The following ZNF385D variants were observed in gnomAD, a reference collection of about 807,000 sequenced individuals.
ZNF385D encodes zinc finger protein 659.
In ZNF385D, 15 loss-of-function variants were observed where a neutral mutation model predicts 35.8. That is an observed-to-expected ratio of 0.42 (90% confidence interval 0.28 to 0.64). ZNF385D has a LOEUF of 0.64. Ranked by LOEUF, ZNF385D falls within the 30% of genes least tolerant of loss-of-function variation. ZNF385D has a pLI of 0.23. For missense variants in ZNF385D, 474 were observed against 494.6 expected (o/e 0.96, Z 0.39); for synonymous variants, 212 against 186.8 (o/e 1.13, Z -1.10).
At chr3:21,881,029 T>G (rs769905331) in intron 3 of ZNF385D, among the ~76,000 whole-genome samples, 1 of 151,992 alleles carries the variant, frequency 6.6e-6, no homozygotes, top group African/African-American at 2.4e-5. Flanking sequence ...TAACAGGGGT[T>G]GGTTAATGAA....
intron 2 of ZNF385D, among the ~76,000 whole-genome samples, chr3:22,262,774 T>C (rs1010829027): frequency 6.6e-6 from 1 of 152,034 alleles, no homozygotes; most frequent in Non-Finnish European, 1.5e-5. Context: ...AAAAAAAAGA[T>C]AATTGAGGTA....
rs3042168 is a variant in ZNF385D, at chr3:21,873,983, ATT to A, written c.326-208957_326-208956del. Among the ~76,000 whole-genome samples, 66 of 150,150 alleles carry A rather than the reference ATT, an allele frequency of 4.4e-4. No homozygotes were observed. The East Asian group carries it at 4.7e-3, about 11-fold the overall frequency. On this transcript the variant is annotated intron_variant, in intron 3 of 5. Coordinates refer to the ZNF385D transcript ENST00000494108. ...AGTATCTCTTCAAGATCCTGATTTC[ATT>A]TTTTTTTTTGTATAAATACCCAGAA... is the stretch of plus-strand genomic sequence containing the variant.
In ZNF385D at chr3:21,854,437, C is replaced by T. The variant is rs556997270; in HGVS notation, c.326-189409G>A. 6.6e-5 allele frequency among the ~76,000 whole-genome samples: 10 copies of T among 151,972 alleles called. No homozygotes were observed. The South Asian group carries it at 1.9e-3, about 28-fold the overall frequency. On this transcript the variant is annotated intron_variant, in intron 3 of 5. Coordinates refer to the ZNF385D transcript ENST00000494108. Reference sequence around the variant, plus strand: ...TGGAGAGAATCAGATAATTCTTTGCCGGATTAGCTTCATGGGCACGCAACC... The same window carrying T: ...TGGAGAGAATCAGATAATTCTTTGCTGGATTAGCTTCATGGGCACGCAACC...
intron 3 of ZNF385D, among the ~76,000 whole-genome samples, chr3:21,516,607 C>T (rs1347303418): frequency 6.6e-6 from 1 of 152,126 alleles, no homozygotes; most frequent in Non-Finnish European, 1.5e-5. Context: ...ATAACTGGGC[C>T]TTTCTTTATA....
chr3:21,506,644 G>T (rs1014020376), intron 4 of ZNF385D, among the ~76,000 whole-genome samples: 1 of 152,060 alleles, frequency 6.6e-6, no homozygotes, highest in Non-Finnish European at 1.5e-5. Context: ...AAAAACACTT[G>T]CTAGATTAGA....
At chr3:22,035,525 T>G (rs1378289945) in intron 3 of ZNF385D, among the ~76,000 whole-genome samples, 1 of 152,148 alleles carries the variant, frequency 6.6e-6, no homozygotes. Flanking sequence ...TTAAAATTGG[T>G]TTGTTTTTCA....
chr3:21,466,988 G>T (rs1575199011), intron 4 of ZNF385D, among the ~76,000 whole-genome samples: 1 of 152,126 alleles, frequency 6.6e-6, no homozygotes, highest in South Asian at 2.1e-4. Flanking sequence ...CTTAGTCTAT[G>T]CTCCTGCCAC....
At chr3:22,271,753 C>T (rs1333728827) in intron 2 of ZNF385D, among the ~76,000 whole-genome samples, 2 of 151,976 alleles carry the variant, frequency 1.3e-5, no homozygotes, top group Non-Finnish European at 2.9e-5. Flanking sequence ...GTAACCCCTC[C>T]CATCAAACCA....
At chr3:21,614,877 G>A (rs1053779175) in intron 2 of ZNF385D, among the ~76,000 whole-genome samples, 3 of 152,180 alleles carry the variant, frequency 2.0e-5, no homozygotes, top group East Asian at 1.9e-4. Context: ...ATAAGCCATC[G>A]TGCCCGGCCC....
intron 3 of ZNF385D, among the ~76,000 whole-genome samples, chr3:22,048,216 C>T (rs949090877): frequency 6.6e-6 from 1 of 151,742 alleles, no homozygotes; most frequent in Non-Finnish European, 1.5e-5. Flanking sequence ...TTGTTGTTTC[C>T]TTTCCTATGC....
chr3:21,679,639 T>C (rs1350996892), intron 1 of ZNF385D, among the ~76,000 whole-genome samples: 1 of 152,008 alleles, frequency 6.6e-6, no homozygotes, highest in Non-Finnish European at 1.5e-5. Flanking sequence ...GTGCTCATTG[T>C]GAGATGGTAG....
intron 2 of ZNF385D, among the ~76,000 whole-genome samples, chr3:21,641,212 G>A (rs530240593): frequency 1.9e-3 from 284 of 152,108 alleles, no homozygotes; most frequent in Non-Finnish European, 2.9e-3. Flanking sequence ...ATCAACACTG[G>A]AAATCACTCC....
intron 2 of ZNF385D, among the ~76,000 whole-genome samples, chr3:22,195,141 G>A (rs757389518): frequency 3.9e-4 from 59 of 151,798 alleles, no homozygotes; most frequent in Non-Finnish European, 7.2e-4. Flanking sequence ...TGTATCATAA[G>A]TACTTTTTAA....
At chr3:22,199,477 A>G (rs968400599) in intron 2 of ZNF385D, among the ~76,000 whole-genome samples, 5 of 152,094 alleles carry the variant, frequency 3.3e-5, no homozygotes, top group Non-Finnish European at 7.4e-5. Flanking sequence ...ATTAGGTTCA[A>G]TGTTTCACTT....
In ZNF385D at chr3:22,255,926, A is replaced by G. The variant is rs1272079333; in HGVS notation, c.107-86891T>C. On this transcript the variant is annotated intron_variant, in intron 2 of 5. Transcript: ENST00000494108. ...GTCTGTGAGGGTGTTTCCAAAGGAG[A>G]TTAATATTTGAGTCAGTGGGGCTGG... is the stretch of plus-strand genomic sequence containing the variant. Among the ~76,000 whole-genome samples, 7 of 151,516 alleles carry G rather than the reference A, an allele frequency of 4.6e-5. No homozygotes were observed. The Admixed American group carries it at 4.6e-4, about 10-fold the overall frequency.
chr3:21,691,475 C>A (rs2067283873), intron 1 of ZNF385D, among the ~76,000 whole-genome samples: 1 of 152,064 alleles, frequency 6.6e-6, no homozygotes, highest in African/African-American at 2.4e-5. Flanking sequence ...CTTAAATCTC[C>A]TTCCCCTCTA....
intron 2 of ZNF385D, among the ~76,000 whole-genome samples, chr3:22,200,520 A>G (rs545370695): frequency 6.6e-6 from 1 of 152,264 alleles, no homozygotes; most frequent in South Asian, 2.1e-4. Flanking sequence ...GCAAGATCAC[A>G]GTACCACAGG....
intron 2 of ZNF385D, among the ~76,000 whole-genome samples, chr3:22,231,382 A>G (rs905274150): frequency 1.3e-5 from 2 of 152,098 alleles, no homozygotes; most frequent in Non-Finnish European, 2.9e-5. Context: ...AAAGTTCCCC[A>G]TTAATACTAG....
chr3:21,530,215 A>G lies in ZNF385D; in HGVS notation c.277-19192T>C, dbSNP rs547660689. ...AATACTGGCACTATGCTTTATGTAC[A>G]GTCCTCAGAACTGTAAGCTAAAATA... On this transcript the variant is annotated intron_variant, in intron 3 of 7. Transcript: ENST00000281523. 7.9e-5 allele frequency among the ~76,000 whole-genome samples: 12 copies of G among 152,304 alleles called. No individual in the cohort carries two copies. The East Asian group carries it at 2.3e-3, about 29-fold the overall frequency.
Sources: allele counts gnomAD v4.1 joint callset (sites outside exome capture counted in the v4.1 genomes callset), GRCh38; gene constraint gnomAD v4.1.1; transcripts MANE v1.5; gene names NCBI Gene and HGNC (gene_info 2026-07-23, HGNC 2026-07-21).